Variants in MASP1 observed in about 807,000 individuals in gnomAD.
MASP1 encodes the protein MBL associated serine protease 1, also known as mannan-binding lectin serine protease 1.
A neutral mutation model predicts 77.1 loss-of-function variants in MASP1; 59 were observed. The observed-to-expected ratio is 0.77, with a 90% CI of 0.62 to 0.95. The LOEUF (loss-of-function observed/expected upper bound fraction) is 0.95, where lower values mean the gene tolerates loss of function less well. MASP1 is among the 40% of genes least tolerant of loss of function. MASP1 has a pLI of 0.00. For synonymous variants in MASP1, 362 were observed against 354.5 expected, an observed-to-expected ratio of 1.02 and a Z score of -0.24; for missense variants, 885 against 912.9, an observed-to-expected ratio of 0.97 and a Z score of 0.39.
rs1331079799 is a variant in MASP1, at chr3:187,235,790, C to T, written c.2081G>A (p.Ser694Asn). The change falls in exon 11 of 11, where the codon AGC becomes AAC. Residue 694 changes from serine (S) to asparagine (N), a missense_variant. Transcript: ENST00000296280. ...VSWGGPEECG[S>N]KQVYGVYTKV... ...TGTGTAGACTCCATAGACCTGCTTG[C>T]TGCCGCATTCTTCAGGTCCCCCCCA... The T allele has an allele frequency of 2.5e-6, 4 of 1,614,002 alleles. No individual in the cohort carries two copies. Among genetic ancestry groups the T allele is most frequent in the Non-Finnish European group, 3.4e-6 (4 of 1,180,016 alleles).
rs1308688429 is a variant in MASP1, at chr3:187,245,686, C to T, written c.1091-2065G>A. Among the ~76,000 whole-genome samples the T allele has an allele frequency of 8.5e-5, 13 of 152,132 alleles. No individual in the cohort carries two copies. In the East Asian group the frequency reaches 2.3e-3, roughly 27 times the overall value. The stretch of plus-strand genomic sequence containing the variant: ...CTGGCACAATCAGCACACACTAGAC[C>T]CTGCTTCCTCCGTTGACTTATGCTC... On this transcript the variant is annotated intron_variant, in intron 8 of 10. Transcript: ENST00000296280.
chr3:187,220,219 A>T (rs781456936), exon 16 of MASP1: 12 of 1,614,164 alleles, frequency 7.4e-6, no homozygotes, highest in Non-Finnish European at 1.0e-5. Flanking sequence ...ATTCAGGGTC[A>T]CCATGGGGCC....
chr3:187,284,663 T>TTG (rs1717703997), intron 2 of MASP1, among the ~76,000 whole-genome samples: 1 of 152,046 alleles, frequency 6.6e-6, no homozygotes, highest in Admixed American at 6.6e-5. Context: ...AGCTTGGGAG[T>TTG]TGTTTGGTGT....
rs762702468 is a variant in MASP1, at chr3:187,241,523, TC to T, written c.1260del (p.Trp420Ter). ...AGGCTTCTCCCCAATACTTTATTCA[TC>T]CAGACTCCTTGGGCAGAACAGGTAT... ...GIYTCSAQGV[W>X]MNKVLGRSLP... On this transcript the variant is annotated frameshift_variant, in exon 10 of 11. Transcript: ENST00000296280. LOFTEE classifies it high-confidence loss of function. 1 of 1,613,716 alleles carries T rather than the reference TC, an allele frequency of 6.2e-7. No homozygotes were observed. Among genetic ancestry groups the T allele is most frequent in the Admixed American group, 1.7e-5 (1 of 60,012 alleles).
At chr3:187,286,419 T>C (rs1717860804) in intron 1 of MASP1, among the ~76,000 whole-genome samples, 1 of 152,234 alleles carries the variant, frequency 6.6e-6, no homozygotes, top group African/African-American at 2.4e-5. Flanking sequence ...GATTCTCTTT[T>C]TGAAAAAGTA....
exon 16 of MASP1, chr3:187,219,401 C>T (rs1711906128): frequency 6.5e-6 from 1 of 153,882 alleles, no homozygotes; most frequent in Non-Finnish European, 1.4e-5. Context: ...CTCAGGCCCT[C>T]CCGCAATCTG....
At chr3:187,282,579 C>T (rs1356814840) in intron 2 of MASP1, among the ~76,000 whole-genome samples, 1 of 148,278 alleles carries the variant, frequency 6.7e-6, no homozygotes, top group Non-Finnish European at 1.5e-5. Context: ...GAGATGCGTC[C>T]CCAGAGGGCC....
chr3:187,233,181 C>G (rs184074960), downstream of MASP1, among the ~76,000 whole-genome samples: 72 of 152,322 alleles, frequency 4.7e-4, 1 homozygote, highest in African/African-American at 1.6e-3. Context: ...CCATGCTGCC[C>G]ACCCTCAGAC....
chr3:187,281,487 C>T (rs1170701825), intron 2 of MASP1, among the ~76,000 whole-genome samples: 2 of 152,262 alleles, frequency 1.3e-5, no homozygotes, highest in Non-Finnish European at 2.9e-5. Flanking sequence ...TTTATCCTGT[C>T]AAAGGCAAGT....
intron 1 of MASP1, chr3:187,291,406 A>G: frequency 1.6e-6 from 1 of 624,222 alleles, no homozygotes; most frequent in Admixed American, 2.5e-5. Flanking sequence ...CAGGATTTGC[A>G]CGAAGTCTCC....
intron 1 of MASP1, 143 bp from the exon 2 acceptor site, chr3:187,286,199 C>T (rs1717845321): frequency 4.2e-6 from 3 of 711,598 alleles, no homozygotes; most frequent in Admixed American, 4.1e-5. Flanking sequence ...GACCTTGCCT[C>T]CTCAGTCTGT....
At chr3:187,249,202 C>T (rs576058131) in intron 8 of MASP1, among the ~76,000 whole-genome samples, 6 of 152,290 alleles carry the variant, frequency 3.9e-5, no homozygotes, top group Middle Eastern at 3.4e-3. Flanking sequence ...GGATTACAGG[C>T]GTGCGCCACC....
rs1713029074 is a variant in MASP1 at position 187,235,060 on chromosome 3, A to T, written c.*624T>A. The T allele has an allele frequency of 2.3e-6, 3 of 1,287,290 alleles. No individual in the cohort carries two copies. The highest frequency in any genetic ancestry group is 3.0e-6 in the Non-Finnish European group (3 of 988,714). The allele number at this position is 1,287,290 out of a possible 1,614,324, so 79.7% of individuals were successfully genotyped here. A position where few individuals can be genotyped will look rare whatever the true frequency, so the allele number is the denominator to read the frequency against. ...TGAAATTCCTTTAATGGGGAACATA[A>T]GGGATAAGGCTTAGACTGCAAGAAG... On this transcript the variant is annotated 3_prime_UTR_variant, in exon 11 of 11. Coordinates refer to ENST00000296280, the MANE Select transcript of MASP1 (RefSeq NM_139125.4).
At chr3:187,268,392 T>G (rs1190710155) in intron 2 of MASP1, among the ~76,000 whole-genome samples, 1 of 151,010 alleles carries the variant, frequency 6.6e-6, no homozygotes, top group Non-Finnish European at 1.5e-5. Flanking sequence ...GAGGCTGGGG[T>G]GGGAGGATCA....
At chr3:187,223,128 T>C in exon 14 of MASP1, 2 of 1,613,730 alleles carry the variant, frequency 1.2e-6, no homozygotes, top group Non-Finnish European at 1.7e-6. Flanking sequence ...GAACTTCACC[T>C]CCATCAGGGT....
chr3:187,248,345 G>T (rs947251734), intron 8 of MASP1, among the ~76,000 whole-genome samples: 1 of 152,102 alleles, frequency 6.6e-6, no homozygotes, highest in Non-Finnish European at 1.5e-5. Context: ...TTTATCTTTT[G>T]CATGTTTCTG....
chr3:187,234,341 G>A lies in MASP1; in HGVS notation c.*1343C>T. On this transcript the variant is annotated 3_prime_UTR_variant, in exon 11 of 11. Coordinates refer to ENST00000296280, the MANE Select transcript of MASP1 (RefSeq NM_139125.4). ...TCAGGAGAGAGAGCTCCAGGGAGAA[G>A]GAGAACAATCAGCCCTGTGAGGGCC... 7.8e-7 allele frequency: 1 copy of A among 1,287,118 alleles called. No individual in the cohort carries two copies. The highest frequency in any genetic ancestry group is 1.0e-6 in the Non-Finnish European group (1 of 988,590). The allele number at this position is 1,287,118 out of a possible 1,614,324, so 79.7% of individuals were successfully genotyped here. A position where few individuals can be genotyped will look rare whatever the true frequency, so the allele number is the denominator to read the frequency against.
chr3:187,262,459 C>A, intron 3 of MASP1, 84 bp downstream of exon 3: 1 of 1,355,192 alleles, frequency 7.4e-7, no homozygotes, highest in Non-Finnish European at 1.1e-6. Context: ...CACAGATTTC[C>A]ATCGTAAAGG....
intron 6 of MASP1, among the ~76,000 whole-genome samples, chr3:187,252,219 T>C (rs1010517184): frequency 6.6e-6 from 1 of 152,162 alleles, no homozygotes. Flanking sequence ...GACAGGGAGC[T>C]CAATGCCTCC....
Sources: allele counts gnomAD v4.1 joint callset (sites outside exome capture counted in the v4.1 genomes callset), GRCh38; gene constraint gnomAD v4.1.1; transcripts MANE v1.5; gene names NCBI Gene and HGNC (gene_info 2026-07-23, HGNC 2026-07-21).